Variants in SYCP2L observed in about 807,000 individuals in gnomAD.
SYCP2L encodes synaptonemal complex protein 2 like.
In SYCP2L, 98 loss-of-function variants were observed where a neutral mutation model predicts 125.8. The ratio of observed to expected loss-of-function variants is 0.78; its 90% CI spans 0.66 to 0.92. SYCP2L has a LOEUF of 0.92. SYCP2L is among the 40% of genes least tolerant of loss of function. The probability of loss-of-function intolerance (pLI) is 0.00; values close to 1 mark genes in which losing one functional copy is unlikely to be tolerated. For missense variants in SYCP2L, 842 were observed against 936.4 expected (o/e 0.90, Z 1.32); for synonymous variants, 317 against 325.4 (o/e 0.97, Z 0.28).
chr6:10,954,538 C>G lies in SYCP2L; in HGVS notation c.1955-578C>G, dbSNP rs1781466764. On this transcript the variant is annotated intron_variant, in intron 23 of 29. Transcript: ENST00000283141. This position sits in a 1 kb window ranked among gnomAD's most constrained non-coding sequence, Gnocchi z 4.8. ...GGTGCCATTGATAAGATGATGAGGACCAGACATGTCTGGGATAAAAGTGAA... is the reference window on the plus strand; with the variant it reads ...GGTGCCATTGATAAGATGATGAGGAGCAGACATGTCTGGGATAAAAGTGAA... Among the ~76,000 whole-genome samples the G allele has an allele frequency of 6.6e-6, 1 of 152,024 alleles. No homozygotes were observed. Among genetic ancestry groups the G allele is most frequent in the Admixed American group, 6.6e-5 (1 of 15,262 alleles).
intron 29 of SYCP2L, among the ~76,000 whole-genome samples, chr6:10,969,365 T>C (rs1781731234): frequency 6.8e-6 from 1 of 147,404 alleles, no homozygotes; most frequent in Non-Finnish European, 1.5e-5. Context: ...TATCTTTTTT[T>C]TTTTTTTTTT....
At chr6:10,899,502 C>A (rs528978257) in intron 6 of SYCP2L, among the ~76,000 whole-genome samples, 2 of 152,094 alleles carry the variant, frequency 1.3e-5, no homozygotes, top group African/African-American at 4.8e-5. Context: ...GAGTCATGAT[C>A]GTGCCACTCC....
At chr6:10,931,914 G>A (rs1279423969) in intron 20 of SYCP2L, among the ~76,000 whole-genome samples, 6 of 149,210 alleles carry the variant, frequency 4.0e-5, no homozygotes, top group Non-Finnish European at 3.0e-5. Flanking sequence ...GCAGTGAGCC[G>A]AGATTGTGCC....
chr6:10,918,316 C>T (rs931749960), intron 14 of SYCP2L, among the ~76,000 whole-genome samples: 6 of 151,646 alleles, frequency 4.0e-5, no homozygotes, highest in African/African-American at 1.5e-4. Flanking sequence ...ATGTCTTGGT[C>T]TCTAGCAAAG....
intron 14 of SYCP2L, among the ~76,000 whole-genome samples, chr6:10,923,380 C>CTTTT (rs1226992236): frequency 3.3e-3 from 303 of 92,450 alleles, no homozygotes; most frequent in East Asian, 6.7e-3. Context: ...GAAACACACA[C>CTTTT]TTTTTTTTTT....
intron 6 of SYCP2L, among the ~76,000 whole-genome samples, chr6:10,901,610 C>T (rs1780377765): frequency 6.6e-6 from 1 of 152,176 alleles, no homozygotes; most frequent in African/African-American, 2.4e-5. Flanking sequence ...TGGCGGCATC[C>T]TTGGCCTCTA....
chr6:10,910,065 C>T lies in SYCP2L; in HGVS notation c.820-83C>T, dbSNP rs191545482. 30 of 1,124,326 alleles carry T rather than the reference C, an allele frequency of 2.7e-5. No homozygotes were observed. The African/African-American group carries it at 3.4e-4, about 13-fold the overall frequency. The allele number at this position is 1,124,326 out of a possible 1,614,324, so 69.6% of individuals were successfully genotyped here. A position where few individuals can be genotyped will look rare whatever the true frequency, so the allele number is the denominator to read the frequency against. ...TGCCTCCTGGTCATTTAGAAGCAAACACTGGCCTCTGTATGCTAAGGTAGT... is the reference window on the plus strand; with the variant it reads ...TGCCTCCTGGTCATTTAGAAGCAAATACTGGCCTCTGTATGCTAAGGTAGT... On this transcript the variant is annotated intron_variant, in intron 10 of 29. Coordinates refer to ENST00000283141, the MANE Select transcript of SYCP2L (RefSeq NM_001040274.3).
At chr6:10,960,349 A>G (rs1474946775) in intron 26 of SYCP2L, among the ~76,000 whole-genome samples, 3 of 152,182 alleles carry the variant, frequency 2.0e-5, no homozygotes, top group African/African-American at 7.2e-5. Flanking sequence ...TGGAATTCCC[A>G]TGCTCTTTCA....
chr6:10,931,404 A>G, intron 19 of SYCP2L, 36 bp from the exon 20 acceptor site: 1 of 1,610,614 alleles, frequency 6.2e-7, no homozygotes, highest in South Asian at 1.1e-5. Flanking sequence ...TCATGAGTTA[A>G]TGTATATGTT....
At chr6:10,916,869 G>C (rs1780703580) in intron 14 of SYCP2L, among the ~76,000 whole-genome samples, 1 of 152,212 alleles carries the variant, frequency 6.6e-6, no homozygotes, top group Non-Finnish European at 1.5e-5. Context: ...GCGCATGCCT[G>C]TAATGCCAGC....
intron 29 of SYCP2L, among the ~76,000 whole-genome samples, chr6:10,966,230 C>G (rs1781674443): frequency 6.6e-6 from 1 of 152,060 alleles, no homozygotes; most frequent in African/African-American, 2.4e-5. Context: ...AGATTTATTC[C>G]AGGAATGCAA....
At chr6:10,902,192 C>A (rs1160108413) in intron 6 of SYCP2L, among the ~76,000 whole-genome samples, 4 of 152,280 alleles carry the variant, frequency 2.6e-5, no homozygotes, top group African/African-American at 9.6e-5. Context: ...GGTGGGGAGG[C>A]CACCAAAAAG....
At chr6:10,898,782 T>A in intron 5 of SYCP2L, 42 bp from the exon 6 acceptor site, 1 of 1,263,994 alleles carries the variant, frequency 7.9e-7, no homozygotes. Flanking sequence ...ATCATGCTGT[T>A]TTAAAATAAT....
chr6:10,887,912 A>G (rs1364206605), intron 1 of SYCP2L, among the ~76,000 whole-genome samples: 1 of 152,204 alleles, frequency 6.6e-6, no homozygotes, highest in Non-Finnish European at 1.5e-5. Context: ...AATTCAGAGC[A>G]CTTAAGCATA....
chr6:10,961,352 G>C lies in SYCP2L; in HGVS notation c.2303G>C (p.Ser768Thr), dbSNP rs1326981077. ...CAAAATTTGGTTCTTCAAGAGTTGAGCAGTCTTAAGCAGGATATTCAGGCC... is the reference window on the plus strand; with the variant it reads ...CAAAATTTGGTTCTTCAAGAGTTGACCAGTCTTAAGCAGGATATTCAGGCC... Reference protein sequence around the residue: ...RFQNLVLQELSSLKQDIQALE... With the variant: ...RFQNLVLQELTSLKQDIQALE... The change falls in exon 27 of 30, where the codon AGC becomes ACC. Residue 768 changes from serine to threonine, a missense_variant. Physicochemically the swap from Ser to Thr is moderately conservative, Grantham distance 58. Transcript: ENST00000283141. The C allele has an allele frequency of 6.2e-7, 1 of 1,614,178 alleles. No homozygotes were observed. The highest frequency in any genetic ancestry group is 1.7e-5 in the Admixed American group (1 of 60,032).
At chr6:10,907,456 T>G in intron 9 of SYCP2L, 86 bp from the exon 10 acceptor site, 1 of 1,322,740 alleles carries the variant, frequency 7.6e-7, no homozygotes, top group East Asian at 2.3e-5. Flanking sequence ...ATGGAGTTTC[T>G]TAGAGCAAGT....
chr6:10,955,289 T>A (rs1781483806), intron 24 of SYCP2L, 72 bp downstream of exon 24: 1 of 937,388 alleles, frequency 1.1e-6, no homozygotes, highest in Admixed American at 1.9e-5. Context: ...TGTAACAACA[T>A]GAATCACAAG....
intron 14 of SYCP2L, among the ~76,000 whole-genome samples, chr6:10,918,448 G>A (rs770714964): frequency 6.6e-6 from 1 of 151,826 alleles, no homozygotes; most frequent in Non-Finnish European, 1.5e-5. Context: ...CAGACTTCTT[G>A]GAGACTTTGT....
chr6:10,953,728 C>T (rs1203360015), intron 23 of SYCP2L, among the ~76,000 whole-genome samples: 3 of 152,160 alleles, frequency 2.0e-5, no homozygotes, highest in Non-Finnish European at 4.4e-5. Context: ...AAATGCCTGC[C>T]CTCACTGGGC....
Sources: gnomAD v4.1 joint callset for allele counts (sites outside exome capture counted in the v4.1 genomes callset) on GRCh38, gnomAD v4.1.1 for gene constraint, Gnocchi (gnomAD v3.1) non-coding constraint, MANE v1.5 for transcripts, NCBI Gene and HGNC (gene_info 2026-07-23, HGNC 2026-07-21) for gene names.